TLR5: variants seen among roughly 807,000 people sequenced by gnomAD.
The protein encoded by TLR5 is toll like receptor 5.
For missense variants in TLR5, 944 were observed against 999.8 expected (o/e 0.94, Z 0.75); for synonymous variants, 373 against 384.4 (o/e 0.97, Z 0.35).
chr1:223,116,182 G>A (rs1656629616), intron 5 of TLR5, among the ~76,000 whole-genome samples: 1 of 152,168 alleles, frequency 6.6e-6, no homozygotes, highest in South Asian at 2.1e-4. Context: ...CGAAATTGGT[G>A]GGTTCCTGGT....
At chr1:223,127,493 C>T (rs894054751) in intron 5 of TLR5, 13 of 152,218 alleles carry the variant, frequency 8.5e-5, no homozygotes, top group Admixed American at 3.3e-4. Flanking sequence ...AATACATTCT[C>T]TAGCTGCATA....
rs1250880123 is a variant in TLR5, at chr1:223,112,929, A to G, written c.103T>C (p.Phe35Leu). 5 of 1,614,208 alleles carry G rather than the reference A, an allele frequency of 3.1e-6. No individual in the cohort carries two copies. Among genetic ancestry groups the G allele is most frequent in the Non-Finnish European group, 4.2e-6 (5 of 1,180,044 alleles). The change falls in exon 6 of 6, where the codon TTC (phenylalanine) becomes CTC (leucine). Residue 35 changes from phenylalanine to leucine, a missense_variant. Physicochemically the swap from Phe to Leu is conservative, Grantham distance 22. Transcript: ENST00000642603. ...SFDGRIAFYR[F>L]CNLTQVPQVL... ...TGGGGGACCTGGGTGAGGTTGCAGA[A>G]ACGATAAAAGGCTATTCGGCCATCA...
intron 1 of TLR5, among the ~76,000 whole-genome samples, chr1:223,142,833 C>T (rs5744104): frequency 1.3e-5 from 2 of 152,110 alleles, no homozygotes; most frequent in South Asian, 4.1e-4. Context: ...GCCTCTTCCA[C>T]AGGGTGGGGG....
At chr1:223,130,954 A>T (rs1396143291) in intron 5 of TLR5, among the ~76,000 whole-genome samples, 1 of 152,198 alleles carries the variant, frequency 6.6e-6, no homozygotes, top group Non-Finnish European at 1.5e-5. Context: ...GTTGGTGGCC[A>T]GTTCTGTGAA....
intron 5 of TLR5, among the ~76,000 whole-genome samples, chr1:223,114,928 C>G (rs1338071310): frequency 2.6e-5 from 4 of 152,188 alleles, no homozygotes; most frequent in Non-Finnish European, 5.9e-5. Context: ...ACCTCCCAAG[C>G]CTATCCACTG....
chr1:223,131,285 T>G lies in TLR5; in HGVS notation c.-5+1190A>C, dbSNP rs141798040. Among the ~76,000 whole-genome samples the G allele has an allele frequency of 1.6e-3, 241 of 152,318 alleles. No homozygotes were observed. Among genetic ancestry groups the G allele is most frequent in the African/African-American group, 5.3e-3 (222 of 41,566 alleles). ...AGAGAGGCCCTCAGGGCTTGAACCC[T>G]TTCATTTCACAGAGCAGGAAACTCC... On this transcript the variant is annotated intron_variant, in intron 5 of 5. Transcript: ENST00000642603. This position sits in a 1 kb window ranked among gnomAD's most constrained non-coding sequence, Gnocchi z 4.2.
intron 5 of TLR5, chr1:223,127,840 C>A (rs1433038973): frequency 6.6e-6 from 1 of 152,308 alleles, no homozygotes; most frequent in Non-Finnish European, 1.5e-5. Context: ...CAACAGGAGT[C>A]CCTGCTGGAG....
intron 5 of TLR5, among the ~76,000 whole-genome samples, chr1:223,125,162 T>C (rs956443481): frequency 2.6e-5 from 4 of 152,234 alleles, no homozygotes; most frequent in Non-Finnish European, 5.9e-5. Context: ...AGCATATCAA[T>C]AGTCTTCCCT....
rs536409331 is a variant in TLR5, at chr1:223,131,900, C to T, written c.-5+575G>A. On this transcript the variant is annotated intron_variant, in intron 5 of 5. Coordinates refer to ENST00000642603, the MANE Select transcript of TLR5 (RefSeq NM_003268.6). This position sits in a 1 kb window ranked among gnomAD's most constrained non-coding sequence, Gnocchi z 4.2. Reference sequence around the variant, plus strand: ...CTGGCCTATATGCACTCTTTATCTCCGTCCCCTGGTATTCTGGGTACATTT... The same window carrying T: ...CTGGCCTATATGCACTCTTTATCTCTGTCCCCTGGTATTCTGGGTACATTT... Among the ~76,000 whole-genome samples, 5 of 151,900 alleles carry T rather than the reference C, an allele frequency of 3.3e-5. No homozygotes were observed. Among genetic ancestry groups the T allele is most frequent in the Non-Finnish European group, 7.4e-5 (5 of 67,938 alleles).
At chr1:223,142,825 C>T (rs1181023826) in intron 1 of TLR5, among the ~76,000 whole-genome samples, 1 of 152,178 alleles carries the variant, frequency 6.6e-6, no homozygotes. Context: ...AGCCACCTGC[C>T]TCTTCCACAG....
chr1:223,112,914 G>C lies in TLR5; in HGVS notation c.118C>G (p.Gln40Glu). 6.2e-7 allele frequency: 1 copy of C among 1,614,200 alleles called. No homozygotes were observed. The highest frequency in any genetic ancestry group is 2.2e-5 in the East Asian group (1 of 44,882). Reference protein sequence around the residue: ...IAFYRFCNLTQVPQVLNTTER... With the variant: ...IAFYRFCNLTEVPQVLNTTER... Reference sequence around the variant, plus strand: ...GTGGTGTTGAGGACCTGGGGGACCTGGGTGAGGTTGCAGAAACGATAAAAG... The same window carrying C: ...GTGGTGTTGAGGACCTGGGGGACCTCGGTGAGGTTGCAGAAACGATAAAAG... Residue 40 changes from glutamine to glutamate, a missense_variant, in exon 6 of 6, where the codon CAG becomes GAG. Transcript: ENST00000642603.
intron 5 of TLR5, among the ~76,000 whole-genome samples, chr1:223,116,583 G>A (rs1384113953): frequency 6.6e-6 from 1 of 152,152 alleles, no homozygotes; most frequent in Non-Finnish European, 1.5e-5. Context: ...TCCACGGTGT[G>A]AAAGACGACC....
chr1:223,125,262 C>CT (rs1344720675), intron 5 of TLR5, among the ~76,000 whole-genome samples: 12 of 152,164 alleles, frequency 7.9e-5, no homozygotes, highest in African/African-American at 2.9e-4. Flanking sequence ...TGACTACACT[C>CT]TAATTCAAGG....
intron 2 of TLR5, among the ~76,000 whole-genome samples, chr1:223,139,014 T>C (rs1037755074): frequency 2.6e-5 from 4 of 152,226 alleles, no homozygotes; most frequent in African/African-American, 4.8e-5. Flanking sequence ...GCTGCCGCCA[T>C]GTAAGATGTG....
At chr1:223,118,265 G>A (rs192779263) in intron 5 of TLR5, among the ~76,000 whole-genome samples, 51 of 152,282 alleles carry the variant, frequency 3.3e-4, no homozygotes, top group Admixed American at 2.4e-3. Context: ...TATCAATAGA[G>A]GCCAGGCATG....
At chr1:223,114,087 A>G (rs1026641011) in intron 5 of TLR5, among the ~76,000 whole-genome samples, 4 of 152,230 alleles carry the variant, frequency 2.6e-5, no homozygotes, top group Non-Finnish European at 5.9e-5. Context: ...TAAAAGTGTG[A>G]TAAGTGCCTA....
rs1431530834 is a variant in TLR5 at position 223,110,546 on chromosome 1, A to T, written c.2486T>A (p.Leu829His). The stretch of plus-strand genomic sequence containing the variant: ...TAGTATCTGTTGAGAGAGTTTATGA[A>T]GAAACCAGCCAACATCCTGGAGATC... Reference protein sequence around the residue: ...PEDLQDVGWFLHKLSQQILKK... With the variant: ...PEDLQDVGWFHHKLSQQILKK... The change falls in exon 6 of 6, where the codon CTT becomes CAT. Residue 829 changes from leucine to histidine, a missense_variant. Transcript: ENST00000642603. 1 of 1,614,150 alleles carries T rather than the reference A, an allele frequency of 6.2e-7. No homozygotes were observed. Among genetic ancestry groups the T allele is most frequent in the South Asian group, 1.1e-5 (1 of 91,076 alleles).
At chr1:223,117,084 G>C (rs1266579000) in intron 5 of TLR5, among the ~76,000 whole-genome samples, 2 of 152,164 alleles carry the variant, frequency 1.3e-5, no homozygotes, top group African/African-American at 2.4e-5. Context: ...GCGGGCTGCA[G>C]GTCCCGAGCC....
Position 223,113,102 on chromosome 1 carries a change from G to A in TLR5, c.-4-67C>T, listed in dbSNP as rs5744163. 2.7e-6 allele frequency: 4 copies of A among 1,459,358 alleles called. No homozygotes were observed. The East Asian group carries it at 9.1e-5, about 33-fold the overall frequency. 90.4% of individuals were successfully genotyped at this position (1,459,358 alleles called of 1,614,324 possible). A position where few individuals can be genotyped will look rare whatever the true frequency, so the allele number is the denominator to read the frequency against. On this transcript the variant is annotated intron_variant, in intron 5 of 5. Transcript: ENST00000642603. Reference sequence around the variant, plus strand: ...TCGAGGTATTGCACTGGGGTCTTCAGATCTTGGGGGTATTCTCTATGATGT... The same window carrying A: ...TCGAGGTATTGCACTGGGGTCTTCAAATCTTGGGGGTATTCTCTATGATGT...
Sources: allele counts gnomAD v4.1 joint callset (sites outside exome capture counted in the v4.1 genomes callset), GRCh38; gene constraint gnomAD v4.1.1; non-coding constraint Gnocchi (gnomAD v3.1); transcripts MANE v1.5; gene names NCBI Gene and HGNC (gene_info 2026-07-23, HGNC 2026-07-21).